The following ATP10B variants were observed in gnomAD, a reference collection of about 807,000 sequenced individuals.
ATP10B encodes phospholipid-transporting ATPase VB.
ATP10B carries 122 observed loss-of-function variants against 141.2 expected under a neutral mutation model. That is an observed-to-expected ratio of 0.86 (90% CI 0.75 to 1.00). ATP10B has a LOEUF of 1.00. ATP10B is among the 50% of genes least tolerant of loss of function. The pLI, the probability that ATP10B is intolerant of heterozygous loss-of-function variation, is 0.00. For synonymous variants in ATP10B, 685 were observed against 692.0 expected (o/e 0.99, Z 0.16); for missense variants, 1,876 against 1,825.3 (o/e 1.03, Z -0.51).
chr5:160,809,793 C>A, intron 1 of ATP10B, among the ~76,000 whole-genome samples: 1 of 152,248 alleles, frequency 6.6e-6, no homozygotes, highest in Middle Eastern at 3.4e-3. Context: ...ACATAGAACT[C>A]ATCTGAAAAA....
intron 1 of ATP10B, among the ~76,000 whole-genome samples, chr5:160,795,349 G>A (rs1296328044): frequency 2.0e-5 from 3 of 152,158 alleles, no homozygotes; most frequent in African/African-American, 7.2e-5. Flanking sequence ...GAAGACTGGA[G>A]TAGAGAGAAG....
intron 21 of ATP10B, among the ~76,000 whole-genome samples, chr5:160,600,544 C>T (rs1757045937): frequency 6.6e-6 from 1 of 152,208 alleles, no homozygotes; most frequent in African/African-American, 2.4e-5. Flanking sequence ...TCCCGACATA[C>T]AGCAGACATT....
At chr5:160,855,961 G>C (rs1037378945), upstream of ATP10B, among the ~76,000 whole-genome samples, 3 of 151,710 alleles carry the variant, frequency 2.0e-5, no homozygotes, top group Non-Finnish European at 4.4e-5. Context: ...ACCCCTGCCA[G>C]TACCAGTCTT....
At chr5:160,818,319 C>T (rs1773839096) in intron 1 of ATP10B, among the ~76,000 whole-genome samples, 1 of 152,076 alleles carries the variant, frequency 6.6e-6, no homozygotes, top group Non-Finnish European at 1.5e-5. Flanking sequence ...AACAAACAAC[C>T]CCATCAAAAA....
chr5:160,634,695 G>A, intron 11 of ATP10B, 89 bp from the exon 12 acceptor site: 1 of 1,400,986 alleles, frequency 7.1e-7, no homozygotes, highest in East Asian at 2.3e-5. Flanking sequence ...GCATTTCATA[G>A]AAAGTTGAGG....
intron 10 of ATP10B, among the ~76,000 whole-genome samples, chr5:160,636,978 C>CA (rs1759429593): frequency 3.9e-5 from 4 of 102,392 alleles, no homozygotes; most frequent in African/African-American, 1.5e-4. Flanking sequence ...CCATCAATCC[C>CA]TCCATCCACC....
intron 7 of ATP10B, among the ~76,000 whole-genome samples, chr5:160,669,395 G>A (rs1001366594): frequency 9.2e-5 from 14 of 152,124 alleles, no homozygotes; most frequent in Admixed American, 7.2e-4. Flanking sequence ...GTGAGAGGAC[G>A]GTAACTTGCC....
chr5:160,778,895 CTGAG>C lies in ATP10B; in HGVS notation c.-331+6660_-331+6663del, dbSNP rs372478282. 1.3e-3 allele frequency among the ~76,000 whole-genome samples: 201 copies of C among 152,266 alleles called. 4 individuals are homozygous for C. In the South Asian group the frequency reaches 0.039, roughly 30 times the overall value. ...TCTGTTCCTTATTAGCTGTGCTACC[CTGAG>C]TGAGTGATTCTGCTTCTCTATGTCT... On this transcript the variant is annotated intron_variant, in intron 2 of 25. Transcript: ENST00000327245.
intron 13 of ATP10B, among the ~76,000 whole-genome samples, chr5:160,623,016 T>C (rs1049947180): frequency 2.0e-5 from 3 of 152,352 alleles, no homozygotes; most frequent in East Asian, 1.9e-4. Flanking sequence ...GAGATATCCA[T>C]TGTTAGCGTG....
At chr5:160,707,944 CT>C (rs1198574356) in intron 3 of ATP10B, among the ~76,000 whole-genome samples, 1 of 152,158 alleles carries the variant, frequency 6.6e-6, no homozygotes, top group Non-Finnish European at 1.5e-5. Flanking sequence ...GCTGGAATGC[CT>C]GATGGGGGTT....
At position 160,606,873 on chromosome 5, in the gene ATP10B, A is replaced by T. The variant is rs1412796174; in HGVS notation, c.3052T>A (p.Leu1018Met). 6.2e-7 allele frequency: 1 copy of T among 1,614,068 alleles called. No individual in the cohort carries two copies. Among genetic ancestry groups the T allele is most frequent in the Non-Finnish European group, 8.5e-7 (1 of 1,180,030 alleles). The change falls in exon 19 of 26, where the codon TTG becomes ATG. Residue 1018 changes from leucine to methionine, a missense_variant. Transcript: ENST00000327245. ...QGKLEKKFLE[L>M]TQYCRSVLCC... ...AGGACGGACCGACAATACTGGGTCA[A>T]TTCCAGAAACTTCTTCTCTAGCTTT...
intron 7 of ATP10B, among the ~76,000 whole-genome samples, chr5:160,654,453 T>A (rs185337327): frequency 1.3e-5 from 2 of 152,222 alleles, no homozygotes; most frequent in East Asian, 3.9e-4. Flanking sequence ...GCAAAAGGCC[T>A]AGGGAGCCAT....
At chr5:160,604,116 C>A in intron 19 of ATP10B, 75 bp from the exon 20 acceptor site, 1 of 1,044,678 alleles carries the variant, frequency 9.6e-7, no homozygotes, top group Non-Finnish European at 1.5e-6. Flanking sequence ...CTAAAGTGTC[C>A]CCAGTTACAT....
intron 1 of ATP10B, among the ~76,000 whole-genome samples, chr5:160,813,775 T>C (rs1308423659): frequency 9.9e-5 from 15 of 152,198 alleles, no homozygotes; most frequent in Admixed American, 9.2e-4. Context: ...GGTACTCCTC[T>C]GAGACAAAAC....
At chr5:160,682,965 G>A (rs1763510572) in intron 6 of ATP10B, among the ~76,000 whole-genome samples, 1 of 150,218 alleles carries the variant, frequency 6.7e-6, no homozygotes, top group African/African-American at 2.5e-5. Flanking sequence ...CATGAACCCG[G>A]GAGGTGGAGC....
In ATP10B at chr5:160,814,298, A is replaced by G. The variant is rs182907602; in HGVS notation, c.-575-28495T>C. 5.6e-3 allele frequency among the ~76,000 whole-genome samples: 860 copies of G among 152,364 alleles called. 10 individuals carry two copies. The highest frequency in any genetic ancestry group is 0.02 in the African/African-American group (818 of 41,584). ...TGCAGAGAAGTCCTTAAAGGACCTG[A>G]TGGAGCTGAAAACCATGGCAAGAGA... On this transcript the variant is annotated intron_variant, in intron 1 of 25. Transcript: ENST00000327245.
At chr5:160,685,489 A>G in intron 6 of ATP10B, 1 of 304,732 alleles carries the variant, frequency 3.3e-6, no homozygotes, top group Admixed American at 4.8e-5. Context: ...CTGGGCAGCC[A>G]AGAACAGGTG....
At chr5:160,642,664 T>C (rs907438768) in intron 9 of ATP10B, among the ~76,000 whole-genome samples, 1 of 152,190 alleles carries the variant, frequency 6.6e-6, no homozygotes, top group African/African-American at 2.4e-5. Flanking sequence ...CTCTAGATAA[T>C]AATGTTAAAA....
At chr5:160,828,665 T>C (rs1379218005) in intron 1 of ATP10B, among the ~76,000 whole-genome samples, 1 of 151,862 alleles carries the variant, frequency 6.6e-6, no homozygotes, top group African/African-American at 2.4e-5. Context: ...CTCAGGGATC[T>C]AGAACTAGAA....
Sources: gnomAD v4.1 joint callset for allele counts (sites outside exome capture counted in the v4.1 genomes callset) on GRCh38, gnomAD v4.1.1 for gene constraint, MANE v1.5 for transcripts, NCBI Gene and HGNC (gene_info 2026-07-23, HGNC 2026-07-21) for gene names.